The following BDP1 variants were observed in gnomAD, a reference collection of about 807,000 sequenced individuals.
BDP1 encodes BDP1 general transcription factor IIIB subunit, also known as transcription factor TFIIIB component B'' homolog.
A neutral mutation model predicts 266.6 loss-of-function variants in BDP1; 169 were observed. The ratio of observed to expected loss-of-function variants is 0.63; its 90% CI spans 0.56 to 0.72. The LOEUF (loss-of-function observed/expected upper bound fraction) is 0.72. Ranked by LOEUF, BDP1 falls within the 30% of genes least tolerant of loss-of-function variation. The pLI is 0.00. For synonymous variants in BDP1, 1,090 were observed against 1,022.4 expected (o/e 1.07, Z -1.26); for missense variants, 3,015 against 3,053.8 (o/e 0.99, Z 0.30).
chr5:71,553,446 C>T, intron 35 of BDP1, 126 bp downstream of exon 35: 1 of 598,526 alleles, frequency 1.7e-6, no homozygotes, highest in South Asian at 2.9e-5. Flanking sequence ...ATAGTTCTGA[C>T]ATTTATCATC....
intron 14 of BDP1, 89 bp from the exon 15 acceptor site, chr5:71,502,510 A>G (rs1764311770): frequency 2.9e-5 from 34 of 1,158,140 alleles, no homozygotes; most frequent in Non-Finnish European, 4.1e-5. Flanking sequence ...GAATTATTTC[A>G]TATTCCAAAT....
chr5:71,510,499 A>C lies in BDP1; in HGVS notation c.3407A>C (p.Asp1136Ala), dbSNP rs1385411719. 4 of 1,613,766 alleles carry C rather than the reference A, an allele frequency of 2.5e-6. No homozygotes were observed. In the East Asian group the frequency reaches 8.9e-5, roughly 36 times the overall value. ...SPREKTPEVI[D>A]ATEEIDKDLE... ...AGGGAGAAGACACCAGAGGTGATTG[A>C]TGCCACTGAGGAAATAGACAAAGAT... The change falls in exon 17 of 39, where the codon GAT (aspartate) becomes GCT (alanine). Residue 1136 changes from aspartate (D) to alanine (A), a missense_variant. This residue lies in a region of BDP1 where 2,383 missense variants were observed against 2,404.9 expected (regional missense o/e 0.99). Transcript: ENST00000358731.
chr5:71,468,018 A>C (rs1762006210), intron 6 of BDP1, among the ~76,000 whole-genome samples: 1 of 151,814 alleles, frequency 6.6e-6, no homozygotes, highest in Non-Finnish European at 1.5e-5. Flanking sequence ...TTTTTTGAAA[A>C]AAATTTTTTT....
chr5:71,497,381 A>G lies in BDP1; in HGVS notation c.1911A>G (p.Thr637=). 6.2e-6 allele frequency: 10 copies of G among 1,613,574 alleles called. No homozygotes were observed. The highest frequency in any genetic ancestry group is 8.5e-6 in the Non-Finnish European group (10 of 1,179,820). ...GKKSVLSQGK[T]ESESKNSHSK... ...AATCAGTTCTTTCACAAGGCAAAAC[A>G]GAGTCAGAGAGCAAGAATTCACATT... The change falls in exon 13 of 39, where the codon ACA becomes ACG. Residue 637 remains threonine (T), a synonymous_variant. Coordinates refer to ENST00000358731, the MANE Select transcript of BDP1 (RefSeq NM_018429.3).
intron 28 of BDP1, 64 bp downstream of exon 28, chr5:71,539,713 AC>A: frequency 8.9e-7 from 1 of 1,119,736 alleles, no homozygotes; most frequent in Non-Finnish European, 1.3e-6. Context: ...AAGAAATTAT[AC>A]CCACATTTGA....
intron 34 of BDP1, 144 bp from the exon 35 acceptor site, chr5:71,552,972 G>T: frequency 1.5e-6 from 1 of 669,074 alleles, no homozygotes; most frequent in East Asian, 2.7e-5. Flanking sequence ...TCTTAGTTTG[G>T]AGTTTTTTGG....
intron 7 of BDP1, among the ~76,000 whole-genome samples, chr5:71,473,661 G>T (rs1455425084): frequency 1.3e-5 from 2 of 151,892 alleles, no homozygotes; most frequent in Non-Finnish European, 2.9e-5. Context: ...CATTTACTTT[G>T]TGTTTGTTTT....
intron 26 of BDP1, among the ~76,000 whole-genome samples, chr5:71,532,855 C>T (rs578148513): frequency 8.5e-5 from 13 of 152,256 alleles, no homozygotes; most frequent in Non-Finnish European, 1.5e-4. Context: ...CTTCTAGTAT[C>T]GTGCAAACAT....
intron 19 of BDP1, among the ~76,000 whole-genome samples, chr5:71,513,774 C>T (rs1227511104): frequency 3.9e-5 from 6 of 151,934 alleles, no homozygotes; most frequent in Non-Finnish European, 2.9e-5. Flanking sequence ...GGCTGGAGTG[C>T]AGTGGCGCGA....
intron 8 of BDP1, 120 bp from the exon 9 acceptor site, chr5:71,486,364 G>A (rs1763260687): frequency 1.3e-6 from 1 of 780,200 alleles, no homozygotes; most frequent in Non-Finnish European, 2.0e-6. Flanking sequence ...TTGTGTATTT[G>A]TTTTTCTGTT....
the BDP1 span, among the ~76,000 whole-genome samples, chr5:71,573,278 G>A: frequency 0.48 from 72,116 of 150,860 alleles, 17,516 homozygotes; most frequent in South Asian, 0.55. Context: ...GAGGGAGGAT[G>A]AAAATTGGCC....
At chr5:71,539,108 T>C (rs1440286613) in intron 27 of BDP1, 30 bp downstream of exon 27, 3 of 1,488,742 alleles carry the variant, frequency 2.0e-6, no homozygotes. Flanking sequence ...CTGCTAAGAC[T>C]ACCTTGATTA....
In BDP1 at chr5:71,541,770, G is replaced by A. The variant is rs193286427; in HGVS notation, c.6251+88G>A. The A allele has an allele frequency of 8.5e-5, 70 of 821,826 alleles. 1 individual carries two copies. The African/African-American group carries it at 1.1e-3, about 13-fold the overall frequency. 50.9% of individuals were successfully genotyped at this position (821,826 alleles called of 1,614,324 possible). On this transcript the variant is annotated intron_variant, in intron 29 of 38. Coordinates refer to ENST00000358731, the MANE Select transcript of BDP1 (RefSeq NM_018429.3). ...TGAGTAATGCTTTAAATGTAAAGTA[G>A]GCAATGCTAATTTCTTACCCTTTAA... is the stretch of plus-strand genomic sequence containing the variant.
At chr5:71,513,020 G>C (rs891126860) in intron 18 of BDP1, among the ~76,000 whole-genome samples, 165 bp from the exon 19 acceptor site, 16 of 138,242 alleles carry the variant, frequency 1.2e-4, no homozygotes, top group African/African-American at 4.4e-4. Context: ...CTATGATTGT[G>C]TCATTGCACT....
At chr5:71,496,254 A>AAG (rs1274114514) in intron 12 of BDP1, among the ~76,000 whole-genome samples, 24 of 151,644 alleles carry the variant, frequency 1.6e-4, no homozygotes, top group African/African-American at 5.1e-4. Context: ...AAAAAAAAAA[A>AAG]AAAGAAAGCT....
In BDP1 at chr5:71,550,468, T is replaced by A. The variant is rs1009618981; in HGVS notation, c.6995+862T>A. Among the ~76,000 whole-genome samples, 9 of 71,200 alleles carry A rather than the reference T, an allele frequency of 1.3e-4. No individual in the cohort carries two copies. In the East Asian group the frequency reaches 3.0e-3, roughly 24 times the overall value. 46.7% of individuals were successfully genotyped at this position (71,200 alleles called of 152,430 possible). A position where few individuals can be genotyped will look rare whatever the true frequency, so the allele number is the denominator to read the frequency against. ...TGTGGTTAGCTAATTAAAAAAAAAT[T>A]TTTTTTTTCTTTTTTCAGAGGTAGA... On this transcript the variant is annotated intron_variant, in intron 34 of 38. Coordinates refer to ENST00000358731, the MANE Select transcript of BDP1 (RefSeq NM_018429.3).
chr5:71,492,963 C>T (rs1052751601), intron 11 of BDP1, among the ~76,000 whole-genome samples: 10 of 152,202 alleles, frequency 6.6e-5, no homozygotes, highest in Admixed American at 1.3e-4. Flanking sequence ...TCCTCATTCT[C>T]CCCTCCCTGC....
At chr5:71,473,619 AT>A (rs912993377) in intron 7 of BDP1, among the ~76,000 whole-genome samples, 4 of 150,314 alleles carry the variant, frequency 2.7e-5, no homozygotes, top group Admixed American at 6.6e-5. Flanking sequence ...GTTTTTATTG[AT>A]TTTTTTTTGT....
At chr5:71,550,892 G>C (rs2111940260) in intron 34 of BDP1, among the ~76,000 whole-genome samples, 1 of 152,084 alleles carries the variant, frequency 6.6e-6, no homozygotes, top group South Asian at 2.1e-4. Flanking sequence ...TTTTAGTAGA[G>C]ATGGGGTTTT....
Sources: gnomAD v4.1 joint callset for allele counts (sites outside exome capture counted in the v4.1 genomes callset) on GRCh38, gnomAD v4.1.1 for gene constraint, gnomAD v4.1.1 regional missense constraint, MANE v1.5 for transcripts, NCBI Gene and HGNC (gene_info 2026-07-23, HGNC 2026-07-21) for gene names.